PFKP: variants seen among roughly 807,000 people sequenced by gnomAD.
PFKP encodes phosphofructokinase, platelet.
A neutral mutation model predicts 94.3 loss-of-function variants in PFKP; 101 were observed. The ratio of observed to expected loss-of-function variants is 1.07; its 90% CI spans 0.91 to 1.26. The LOEUF (loss-of-function observed/expected upper bound fraction) is 1.26, where lower values mean the gene tolerates loss of function less well. PFKP is among the 50% of genes most tolerant of loss of function. The probability of loss-of-function intolerance (pLI) is 0.00; values close to 1 mark genes in which losing one functional copy is unlikely to be tolerated. For synonymous variants in PFKP, 573 were observed against 432.6 expected (o/e 1.32, Z -4.03); for missense variants, 1,145 against 1,103.3 (o/e 1.04, Z -0.53).
At chr10:3,114,531 G>A (rs1040889483) in intron 13 of PFKP, among the ~76,000 whole-genome samples, 8 of 152,242 alleles carry the variant, frequency 5.3e-5, no homozygotes, top group Non-Finnish European at 7.3e-5. Flanking sequence ...TGGAGACTGC[G>A]TTTATAGATG....
chr10:3,106,142 C>T (rs1235763959), intron 7 of PFKP, among the ~76,000 whole-genome samples: 1 of 137,796 alleles, frequency 7.3e-6, no homozygotes, highest in East Asian at 2.1e-4. Context: ...TTCGGGGCCT[C>T]CCCTGGGAGG....
intron 13 of PFKP, 142 bp downstream of exon 13, chr10:3,113,660 G>GACTA: frequency 2.3e-4 from 7 of 31,060 alleles, no homozygotes; most frequent in Non-Finnish European, 4.6e-4. Flanking sequence ...CTGAAGCATT[G>GACTA]CTTCTGGAGT....
chr10:3,074,126 C>T (rs1832404475), intron 1 of PFKP, among the ~76,000 whole-genome samples: 1 of 152,198 alleles, frequency 6.6e-6, no homozygotes, highest in African/African-American at 2.4e-5. Context: ...AGGCTGGAGC[C>T]ACTGCACCCA....
At position 3,105,416 on chromosome 10, in the gene PFKP, T is replaced by C. The variant is rs747845207; in HGVS notation, c.689T>C (p.Leu230Ser). 20 of 1,613,794 alleles carry C rather than the reference T, an allele frequency of 1.2e-5. No individual in the cohort carries two copies. The South Asian group carries it at 1.9e-4, about 15-fold the overall frequency. The change falls in exon 7 of 22, where the codon TTG becomes TCG. Residue 230 changes from leucine (L) to serine (S), a missense_variant. Transcript: ENST00000381125. ...HCGYLALVSA[L>S]ACGADWVFLP... The stretch of plus-strand genomic sequence containing the variant: ...AGGTACCTGGCCCTGGTGAGTGCCT[T>C]GGCCTGCGGTGCGGACTGGGTGTTC...
intron 4 of PFKP, among the ~76,000 whole-genome samples, chr10:3,102,131 G>A (rs946657084): frequency 2.0e-4 from 29 of 148,356 alleles, no homozygotes; most frequent in African/African-American, 5.6e-4. Context: ...GGCGCCTGTA[G>A]TCCCAGCTAC....
At chr10:3,131,075 ATAAAAACATATCTTTTT>A (rs1288047845) in intron 17 of PFKP, among the ~76,000 whole-genome samples, 10 of 151,918 alleles carry the variant, frequency 6.6e-5, no homozygotes, top group Admixed American at 1.3e-4. Flanking sequence ...TTTATCTTTT[ATAAAAACATATCTTTTT>A]ACATATATTT....
intron 2 of PFKP, among the ~76,000 whole-genome samples, chr10:3,094,930 C>G (rs941937221): frequency 1.3e-5 from 2 of 152,206 alleles, no homozygotes; most frequent in East Asian, 3.8e-4. Context: ...CCCTACATCT[C>G]TGGATGCAGT....
In PFKP at chr10:3,082,350, G is replaced by C. The variant is rs144015599; in HGVS notation, c.113-38G>C. Reference sequence around the variant, plus strand: ...TTAGTGGCAGAGCCAGAATTACCCCGGGCTCTTCAGTGACTCTTGCTCCTG... The same window carrying C: ...TTAGTGGCAGAGCCAGAATTACCCCCGGCTCTTCAGTGACTCTTGCTCCTG... On this transcript the variant is annotated intron_variant, in intron 1 of 21. Transcript: ENST00000381125. 1,904 of 1,524,872 alleles carry C rather than the reference G, an allele frequency of 1.2e-3. 21 individuals carry two copies. In the African/African-American group the frequency reaches 0.022, roughly 18 times the overall value. The allele number at this position is 1,524,872 out of a possible 1,614,324, so 94.5% of individuals were successfully genotyped here.
chr10:3,106,132 T>A (rs1835527659), intron 7 of PFKP, among the ~76,000 whole-genome samples: 1 of 145,660 alleles, frequency 6.9e-6, no homozygotes, highest in Admixed American at 6.7e-5. Context: ...GTGGCCAGGC[T>A]TCGGGGCCTC....
chr10:3,136,570 G>C lies in PFKP; in HGVS notation c.2346G>C (p.Trp782Cys). Residue 782 changes from tryptophan (W) to cysteine (C), a missense_variant, in exon 22 of 22, where the codon TGG (tryptophan) becomes TGC (cysteine). Physicochemically the swap from Trp to Cys is radical, Grantham distance 215. Around this residue, in one of 3 missense-constraint regions of PFKP, gnomAD observed 20 missense variants for 19.6 expected, o/e 1.02. Coordinates refer to ENST00000381125, the MANE Select transcript of PFKP (RefSeq NM_002627.5). ...DSGQLEHVQPWSV is the reference protein window; with the variant it reads ...DSGQLEHVQPCSV ...GCCAGCTGGAACATGTGCAGCCCTG[G>C]AGTGTCTGACCCAGTCCCGCCTGCA... The C allele has an allele frequency of 6.2e-7, 1 of 1,613,396 alleles. No homozygotes were observed. The highest frequency in any genetic ancestry group is 8.5e-7 in the Non-Finnish European group (1 of 1,179,648).
chr10:3,123,363 TTA>T (rs1259698957), intron 16 of PFKP, among the ~76,000 whole-genome samples: 1 of 152,172 alleles, frequency 6.6e-6, no homozygotes, highest in Non-Finnish European at 1.5e-5. Flanking sequence ...CTTGAGAATT[TTA>T]TGTTTTGCTG....
intron 2 of PFKP, among the ~76,000 whole-genome samples, chr10:3,083,544 G>A (rs56320007): frequency 1.6e-4 from 24 of 152,220 alleles, no homozygotes; most frequent in African/African-American, 5.1e-4. Flanking sequence ...ACACACATTA[G>A]GAAAAGTACA....
At chr10:3,117,339 G>A (rs1047602662) in intron 14 of PFKP, among the ~76,000 whole-genome samples, 4 of 152,174 alleles carry the variant, frequency 2.6e-5, no homozygotes, top group South Asian at 2.1e-4. Flanking sequence ...AGTAAGCCTG[G>A]CGTCCCTGCA....
Position 3,113,474 on chromosome 10 carries a change from A to C in PFKP, c.1327A>C (p.Met443Leu). The C allele has an allele frequency of 6.2e-7, 1 of 1,613,334 alleles. No individual in the cohort carries two copies. The highest frequency in any genetic ancestry group is 2.2e-5 in the East Asian group (1 of 44,876). The change falls in exon 13 of 22, where the codon ATG becomes CTG. Residue 443 changes from methionine to leucine, a missense_variant. By Grantham distance (15) the Met-to-Leu change is conservative (BLOSUM62 2). Coordinates refer to ENST00000381125, the MANE Select transcript of PFKP (RefSeq NM_002627.5). The stretch of plus-strand genomic sequence containing the variant: ...CGTGGGCATTGCCGACGGCCACAGG[A>C]TGCTCGCCATCTATGATGGCTTTGA... ...VRVGIADGHRMLAIYDGFDGF... is the reference protein window; with the variant it reads ...VRVGIADGHRLLAIYDGFDGF...
chr10:3,107,959 C>T, intron 8 of PFKP: 1 of 1,289,670 alleles, frequency 7.8e-7, no homozygotes, highest in Non-Finnish European at 1.0e-6. Context: ...AGAAGACGTC[C>T]CCACCTGGCT....
chr10:3,115,663 G>A (rs550119615), intron 13 of PFKP, among the ~76,000 whole-genome samples: 62 of 152,314 alleles, frequency 4.1e-4, no homozygotes, highest in African/African-American at 1.4e-3. Context: ...GGAGGGTTTG[G>A]CTGAGCTCAT....
chr10:3,101,086 GTTCC>G, intron 3 of PFKP: 1 of 1,118,832 alleles, frequency 8.9e-7, no homozygotes. Context: ...CCGCAGGCTG[GTTCC>G]TGCTCCATGT....
rs143469382 is a variant in PFKP at position 3,101,410 on chromosome 10, C to G, written c.310C>G (p.Arg104Gly). The change falls in exon 4 of 22, where the codon CGG becomes GGG. Residue 104 changes from arginine to glycine, a missense_variant. Physicochemically the swap from Arg to Gly is moderately radical, Grantham distance 125. This residue lies in a region of PFKP where 1,119 missense variants were observed against 1,062.8 expected (regional missense o/e 1.05). Coordinates refer to ENST00000381125, the MANE Select transcript of PFKP (RefSeq NM_002627.5). ...TGCGCGGTGCCAGGCCTTCCGCACG[C>G]GGGAAGGCCGCCTGAAGGCTGCTTG... ...GSARCQAFRT[R>G]EGRLKAACNL... is the part of the protein sequence containing the mutation. The G allele has an allele frequency of 1.2e-6, 2 of 1,604,028 alleles. No homozygotes were observed. The highest frequency in any genetic ancestry group is 1.7e-6 in the Non-Finnish European group (2 of 1,175,928).
At chr10:3,115,928 T>C (rs1324268395) in intron 13 of PFKP, among the ~76,000 whole-genome samples, 1 of 152,202 alleles carries the variant, frequency 6.6e-6, no homozygotes, top group African/African-American at 2.4e-5. Context: ...CCCGCCCTTC[T>C]GTGTTGGCCC....
Sources: gnomAD v4.1 joint callset for allele counts (sites outside exome capture counted in the v4.1 genomes callset) on GRCh38, gnomAD v4.1.1 for gene constraint, gnomAD v4.1.1 regional missense constraint, MANE v1.5 for transcripts, NCBI Gene and HGNC (gene_info 2026-07-23, HGNC 2026-07-21) for gene names.